PPME1: variants seen among roughly 807,000 people sequenced by gnomAD.
PPME1 encodes protein phosphatase methylesterase 1.
A neutral mutation model predicts 56.9 loss-of-function variants in PPME1; 17 were observed. The ratio of observed to expected loss-of-function variants is 0.30; its 90% CI spans 0.20 to 0.45. The LOEUF is 0.45. Among genes scored for constraint, PPME1 ranks in the 20% least tolerant of loss-of-function variants. PPME1 has a pLI of 1.00. For synonymous variants in PPME1, 122 were observed against 156.2 expected, an observed-to-expected ratio of 0.78 and a Z score of 1.63; for missense variants, 357 against 483.2, an observed-to-expected ratio of 0.74 and a Z score of 2.45.
chr11:74,198,916 A>C (rs145672445), intron 1 of PPME1: 2 of 152,242 alleles, frequency 1.3e-5, no homozygotes, highest in African/African-American at 4.8e-5. Context: ...AATCACACAC[A>C]TACAAATAAC....
intron 5 of PPME1, among the ~76,000 whole-genome samples, chr11:74,228,750 T>C (rs954718860): frequency 3.3e-5 from 5 of 152,224 alleles, no homozygotes; most frequent in Admixed American, 6.5e-5. Flanking sequence ...TAGACAGGGC[T>C]GCTGAAGGAT....
chr11:74,196,245 G>A (rs982979404), intron 1 of PPME1, among the ~76,000 whole-genome samples: 1 of 152,126 alleles, frequency 6.6e-6, no homozygotes, highest in African/African-American at 2.4e-5. Flanking sequence ...TTAATGAAAA[G>A]GATTTTATTT....
At chr11:74,217,426 C>T (rs903615680) in intron 3 of PPME1, among the ~76,000 whole-genome samples, 1 of 151,344 alleles carries the variant, frequency 6.6e-6, no homozygotes, top group South Asian at 2.1e-4. Flanking sequence ...CTTCTTATTC[C>T]AGCTACTCAA....
chr11:74,230,242 C>T lies in PPME1; in HGVS notation c.399-3C>T, dbSNP rs1215615440. On this transcript the variant is annotated splice_polypyrimidine_tract_variant and splice_region_variant and intron_variant, in intron 5 of 13. Transcript: ENST00000328257. This position sits in a 1 kb window ranked among gnomAD's most constrained non-coding sequence, Gnocchi z 4.9. ...CTTAGATCTTTTTCTCTTCTCTTTG[C>T]AGAGACGTTGGCAATGTGGTTGAAG... 1 of 1,596,188 alleles carries T rather than the reference C, an allele frequency of 6.3e-7. No homozygotes were observed. Among genetic ancestry groups the T allele is most frequent in the African/African-American group, 1.4e-5 (1 of 73,914 alleles).
At chr11:74,234,822 ATGCT>A (rs1291774194) in intron 7 of PPME1, among the ~76,000 whole-genome samples, 2 of 152,194 alleles carry the variant, frequency 1.3e-5, no homozygotes, top group Non-Finnish European at 2.9e-5. Context: ...ATAATGGAGT[ATGCT>A]TGTGACATCC....
chr11:74,183,295 TCAAAA>T (rs1161611193), intron 1 of PPME1, among the ~76,000 whole-genome samples: 2 of 152,136 alleles, frequency 1.3e-5, no homozygotes, highest in African/African-American at 2.4e-5. Flanking sequence ...AGACCCTGTC[TCAAAA>T]CAAAACAACA....
chr11:74,226,394 A>G (rs1006535919), intron 5 of PPME1, among the ~76,000 whole-genome samples: 1 of 152,144 alleles, frequency 6.6e-6, no homozygotes, highest in Non-Finnish European at 1.5e-5. Context: ...GAGAGAGAGA[A>G]AGAAATAATG....
intron 1 of PPME1, among the ~76,000 whole-genome samples, chr11:74,177,600 G>A (rs1248027054): frequency 6.6e-6 from 1 of 152,084 alleles, no homozygotes; most frequent in Non-Finnish European, 1.5e-5. Context: ...TTTGATGGGT[G>A]GTAGAGGTTG....
chr11:74,217,014 T>C (rs1161294328), intron 3 of PPME1, among the ~76,000 whole-genome samples: 4 of 152,188 alleles, frequency 2.6e-5, no homozygotes, highest in Non-Finnish European at 5.9e-5. Flanking sequence ...ACCTGATGGC[T>C]TCACTGCTGA....
At chr11:74,242,476 T>G (rs762955518) in intron 9 of PPME1, among the ~76,000 whole-genome samples, 1 of 152,210 alleles carries the variant, frequency 6.6e-6, no homozygotes, top group Non-Finnish European at 1.5e-5. Context: ...TTTAAAAATT[T>G]TAATACTTGT....
At chr11:74,252,250 T>G (rs1427784825) in intron 13 of PPME1, among the ~76,000 whole-genome samples, 2,072 of 141,352 alleles carry the variant, frequency 0.015, 23 homozygotes, top group African/African-American at 0.03. Context: ...TTTTTTTTTT[T>G]GTTTTTTTTT....
chr11:74,175,072 C>T (rs947819199), intron 1 of PPME1, among the ~76,000 whole-genome samples: 4 of 152,150 alleles, frequency 2.6e-5, no homozygotes, highest in Admixed American at 1.3e-4. Flanking sequence ...TTTGAGATCC[C>T]TATTTGCTTT....
At chr11:74,217,541 CAAAAAAAAAA>C (rs61139169) in intron 3 of PPME1, among the ~76,000 whole-genome samples, 1 of 79,034 alleles carries the variant, frequency 1.3e-5, no homozygotes, top group African/African-American at 4.7e-5. Context: ...GACTCCGTCT[CAAAAAAAAAA>C]AAAAAAAAAA....
At chr11:74,247,145 C>T (rs761153775) in intron 11 of PPME1, 22 bp downstream of exon 11, 1 of 1,594,520 alleles carries the variant, frequency 6.3e-7, no homozygotes, top group Non-Finnish European at 8.6e-7. Context: ...AGAAATTATA[C>T]CCCTGGACCC....
chr11:74,171,660 A>T, intron 1 of PPME1, 138 bp downstream of exon 1: 1 of 1,142,570 alleles, frequency 8.8e-7, no homozygotes, highest in Non-Finnish European at 1.2e-6. Flanking sequence ...ATTTAGATGG[A>T]GTAGAAGGCA....
chr11:74,247,119 G>A lies in PPME1; in HGVS notation c.1005G>A (p.Met335Ile). ...ATAAAGATCTGACCATTGGCCAGAT[G>A]CAAGGTAAGTTATCAAGAAATTATA... is the stretch of plus-strand genomic sequence containing the variant. Reference protein sequence around the residue: ...RLDKDLTIGQMQGKFQMQVLP... With the variant: ...RLDKDLTIGQIQGKFQMQVLP... The change falls in exon 11 of 14, where the codon ATG (methionine) becomes ATA (isoleucine). Residue 335 changes from methionine (M) to isoleucine (I), a missense_variant. Met to Ile is a conservative substitution (Grantham distance 10). This residue lies in a region of PPME1 where 182 missense variants were observed against 293.8 expected (regional missense o/e 0.62). Transcript: ENST00000328257. 6.2e-7 allele frequency: 1 copy of A among 1,610,832 alleles called. No homozygotes were observed. Among genetic ancestry groups the A allele is most frequent in the Non-Finnish European group, 8.5e-7 (1 of 1,177,440 alleles).
intron 4 of PPME1, among the ~76,000 whole-genome samples, 196 bp from the exon 5 acceptor site, chr11:74,225,009 C>A (rs1340012860): frequency 6.6e-6 from 1 of 152,238 alleles, no homozygotes; most frequent in East Asian, 1.9e-4. Context: ...GTGGATAAAT[C>A]TTTGCTAGGC....
chr11:74,175,361 C>G (rs558461756), intron 1 of PPME1, among the ~76,000 whole-genome samples: 141 of 152,032 alleles, frequency 9.3e-4, no homozygotes, highest in Admixed American at 2.4e-3. Context: ...AATTAGCTGG[C>G]GTGGTGGCAC....
At chr11:74,248,515 C>G (rs1258398045) in intron 11 of PPME1, 1 of 152,220 alleles carries the variant, frequency 6.6e-6, no homozygotes, top group Non-Finnish European at 1.5e-5. Context: ...ATATAAAACT[C>G]TGGTCCCAGA....
Sources: allele counts gnomAD v4.1 joint callset (sites outside exome capture counted in the v4.1 genomes callset), GRCh38; gene constraint gnomAD v4.1.1; regional missense constraint gnomAD v4.1.1; non-coding constraint Gnocchi (gnomAD v3.1); transcripts MANE v1.5; gene names NCBI Gene and HGNC (gene_info 2026-07-23, HGNC 2026-07-21).